UGT2A2: variants seen among roughly 807,000 people sequenced by gnomAD.
UGT2A2 encodes UDP-glucuronosyltransferase 2A2.
UGT2A2 carries 60 observed loss-of-function variants against 50.7 expected under a neutral mutation model. That is an observed-to-expected ratio of 1.18 (90% confidence interval 0.96 to 1.47). The LOEUF is 1.47. UGT2A2 is among the 40% of genes most tolerant of loss of function. The pLI, the probability that UGT2A2 is intolerant of heterozygous loss-of-function variation, is 0.00. For missense variants in UGT2A2, 762 were observed against 634.0 expected (o/e 1.20, Z -2.17); for synonymous variants, 242 against 214.6 (o/e 1.13, Z -1.11).
In UGT2A2 at chr4:69,604,682, C is replaced by T. The variant is rs187165149; in HGVS notation, c.743-5288G>A. Among the ~76,000 whole-genome samples, 23 of 136,494 alleles carry T rather than the reference C, an allele frequency of 1.7e-4. 4 individuals carry two copies. Among genetic ancestry groups the T allele is most frequent in the East Asian group, 1.6e-3 (8 of 4,862 alleles). The allele number at this position is 136,494 out of a possible 152,430, so 89.5% of individuals were successfully genotyped here. A position where few individuals can be genotyped will look rare whatever the true frequency, so the allele number is the denominator to read the frequency against. On this transcript the variant is annotated intron_variant, in intron 1 of 5. Coordinates refer to ENST00000604629, the MANE Select transcript of UGT2A2 (RefSeq NM_001105677.2). ...TGCTGTATTCAGGAAACCCATCTCA[C>T]GTGAAGAGACACACATAGGCTCAAA...
chr4:69,599,169 T>C (rs1021211949), intron 2 of UGT2A2, 77 bp downstream of exon 2: 6 of 1,478,614 alleles, frequency 4.1e-6, no homozygotes, highest in African/African-American at 1.4e-5. Flanking sequence ...TTATTTGTTA[T>C]TGAGGCTATA....
intron 1 of UGT2A2, among the ~76,000 whole-genome samples, chr4:69,622,188 A>G (rs553574676): frequency 3.6e-4 from 55 of 152,028 alleles, no homozygotes; most frequent in African/African-American, 1.3e-3. Flanking sequence ...AAAATTTAAC[A>G]TATGAGCTTA....
chr4:69,589,749 C>T, intron 5 of UGT2A2, 98 bp from the exon 6 acceptor site: 3 of 1,473,616 alleles, frequency 2.0e-6, no homozygotes, highest in Non-Finnish European at 2.7e-6. Context: ...AGTTTAAGGC[C>T]ATAGTTACGT....
chr4:69,625,551 A>G (rs112223002), intron 1 of UGT2A2, among the ~76,000 whole-genome samples: 4,405 of 151,090 alleles, frequency 0.029, 217 homozygotes, highest in African/African-American at 0.1. Flanking sequence ...ATACTATCCA[A>G]TGTATTTTTA....
At chr4:69,611,298 C>CTTTTTTTTTTTTTTTTTTTTTTTTTTT (rs1287210111) in intron 1 of UGT2A2, among the ~76,000 whole-genome samples, 2 of 149,520 alleles carry the variant, frequency 1.3e-5, no homozygotes, top group African/African-American at 5.0e-5. Flanking sequence ...TCCAGCTATT[C>CTTTTTTTTTTTTTTTTTTTTTTTTTTT]TTAATGCTAT....
intron 1 of UGT2A2, among the ~76,000 whole-genome samples, chr4:69,621,025 G>A (rs1410840809): frequency 6.6e-6 from 1 of 151,888 alleles, no homozygotes; most frequent in Non-Finnish European, 1.5e-5. Flanking sequence ...AAACATAAAT[G>A]TAAAACCCAA....
At chr4:69,602,290 C>T (rs2109896717) in intron 1 of UGT2A2, among the ~76,000 whole-genome samples, 1 of 136,572 alleles carries the variant, frequency 7.3e-6, no homozygotes, top group Non-Finnish European at 1.6e-5. Context: ...CCAACAAAGG[C>T]ACTCCAAACA....
At chr4:69,598,235 G>A (rs2109887632) in intron 2 of UGT2A2, among the ~76,000 whole-genome samples, 1 of 152,126 alleles carries the variant, frequency 6.6e-6, no homozygotes, top group East Asian at 1.9e-4. Flanking sequence ...AAATATGTCT[G>A]TTACTATAAA....
rs960555828 is a variant in UGT2A2 at position 69,614,472 on chromosome 4, A to C, written c.743-15078T>G. 3.9e-5 allele frequency among the ~76,000 whole-genome samples: 6 copies of C among 151,962 alleles called. 1 individual carries two copies. The South Asian group carries it at 8.3e-4, about 21-fold the overall frequency. The stretch of plus-strand genomic sequence containing the variant: ...TTCACAAATTAAAAAATATATATAT[A>C]TCTAAACTTTGTATGGAACCACAAA... On this transcript the variant is annotated intron_variant, in intron 1 of 5. Coordinates refer to ENST00000604629, the MANE Select transcript of UGT2A2 (RefSeq NM_001105677.2).
chr4:69,589,843 T>C (rs997969362), intron 5 of UGT2A2, among the ~76,000 whole-genome samples, 192 bp from the exon 6 acceptor site: 1 of 152,228 alleles, frequency 6.6e-6, no homozygotes, highest in Admixed American at 6.5e-5. Context: ...ATGAAATATA[T>C]GCTTAACACA....
intron 1 of UGT2A2, among the ~76,000 whole-genome samples, chr4:69,601,470 C>T (rs946394349): frequency 1.3e-5 from 2 of 152,118 alleles, no homozygotes; most frequent in Non-Finnish European, 2.9e-5. Flanking sequence ...TTGCAAGTGC[C>T]ACCTCTTGGC....
intron 1 of UGT2A2, chr4:69,599,652 A>AGGC (rs1341177769): frequency 2.7e-6 from 1 of 364,860 alleles, no homozygotes; most frequent in African/African-American, 2.1e-5. Context: ...AGAGGAAAGC[A>AGGC]AGGAAAAGTG....
At chr4:69,604,822 G>A (rs1223380241) in intron 1 of UGT2A2, among the ~76,000 whole-genome samples, 3 of 136,936 alleles carry the variant, frequency 2.2e-5, no homozygotes, top group African/African-American at 8.9e-5. Flanking sequence ...AAGAGACAAA[G>A]AAGGCCATTA....
chr4:69,626,152 AT>A (rs199638752), intron 1 of UGT2A2, among the ~76,000 whole-genome samples: 9 of 149,624 alleles, frequency 6.0e-5, no homozygotes, highest in South Asian at 2.1e-4. Flanking sequence ...ATACTGGGCT[AT>A]TTTTTTTTAA....
chr4:69,627,166 T>C (rs546945255), intron 1 of UGT2A2, among the ~76,000 whole-genome samples: 8 of 152,040 alleles, frequency 5.3e-5, no homozygotes, highest in Middle Eastern at 3.4e-3. Context: ...TATTTCTAAA[T>C]AATTTTTAAC....
chr4:69,615,762 A>G (rs1228985718), intron 1 of UGT2A2, among the ~76,000 whole-genome samples: 1 of 152,004 alleles, frequency 6.6e-6, no homozygotes, highest in Non-Finnish European at 1.5e-5. Context: ...GCAATAACAA[A>G]TGCTGGTGAG....
At chr4:69,624,924 A>T (rs1720956606) in intron 1 of UGT2A2, among the ~76,000 whole-genome samples, 3 of 151,230 alleles carry the variant, frequency 2.0e-5, no homozygotes, top group Admixed American at 2.0e-4. Flanking sequence ...TTTACTAGAG[A>T]TCATTTTTCT....
At chr4:69,611,757 T>G (rs1221491149) in intron 1 of UGT2A2, among the ~76,000 whole-genome samples, 1 of 152,062 alleles carries the variant, frequency 6.6e-6, no homozygotes, top group Admixed American at 6.6e-5. Context: ...AGTAAAAACA[T>G]GAATTCTGAA....
At chr4:69,612,256 C>T (rs1467229345) in intron 1 of UGT2A2, among the ~76,000 whole-genome samples, 2 of 151,612 alleles carry the variant, frequency 1.3e-5, no homozygotes, top group Admixed American at 6.6e-5. Flanking sequence ...AAAATTATTC[C>T]ATATACTATC....
Sources: gnomAD v4.1 joint callset for allele counts (sites outside exome capture counted in the v4.1 genomes callset) on GRCh38, gnomAD v4.1.1 for gene constraint, MANE v1.5 for transcripts, NCBI Gene and HGNC (gene_info 2026-07-23, HGNC 2026-07-21) for gene names.